EPHB1: variants seen among roughly 807,000 people sequenced by gnomAD.
The protein encoded by EPHB1 is EPH receptor B1, also known as ephrin type-B receptor 1.
EPHB1 carries 30 observed loss-of-function variants against 94.4 expected under a neutral mutation model. That is an observed-to-expected ratio of 0.32 (90% CI 0.24 to 0.43). The LOEUF is 0.43. Among genes scored for constraint, EPHB1 ranks in the 20% least tolerant of loss-of-function variants. The pLI is 1.00. For missense variants in EPHB1, 1,055 were observed against 1,308.3 expected (o/e 0.81, Z 2.99); for synonymous variants, 522 against 489.1 (o/e 1.07, Z -0.89).
Position 134,879,538 on chromosome 3 carries a change from A to G in EPHB1, c.59-46278A>G, listed in dbSNP as rs542285609. On this transcript the variant is annotated intron_variant, in intron 1 of 15. Coordinates refer to ENST00000398015, the MANE Select transcript of EPHB1 (RefSeq NM_004441.5). ...GTAGTGGGGTGCAACTGTGGTCCCA[A>G]CTACTCAGGAGGCTGAGGTGGGAGG... 3.9e-5 allele frequency among the ~76,000 whole-genome samples: 6 copies of G among 152,234 alleles called. 1 individual carries two copies. Among genetic ancestry groups the G allele is most frequent in the African/African-American group, 1.2e-4 (5 of 41,550 alleles).
intron 3 of EPHB1, among the ~76,000 whole-genome samples, chr3:135,036,739 T>C (rs1181676465): frequency 6.6e-6 from 1 of 152,208 alleles, no homozygotes; most frequent in African/African-American, 2.4e-5. Flanking sequence ...CTAGAATATC[T>C]AGCAGCTAGG....
intron 1 of EPHB1, among the ~76,000 whole-genome samples, chr3:134,880,056 T>G (rs977192559): frequency 6.6e-6 from 1 of 152,214 alleles, no homozygotes; most frequent in Non-Finnish European, 1.5e-5. Flanking sequence ...TGCTGCACTT[T>G]CCTCTTCTTT....
At chr3:134,895,916 C>A (rs1438502493) in intron 1 of EPHB1, among the ~76,000 whole-genome samples, 1 of 152,150 alleles carries the variant, frequency 6.6e-6, no homozygotes, top group African/African-American at 2.4e-5. Flanking sequence ...AGCAAAATGT[C>A]CCAATTTCTG....
At chr3:135,211,148 G>A (rs1943023355) in intron 12 of EPHB1, among the ~76,000 whole-genome samples, 1 of 152,036 alleles carries the variant, frequency 6.6e-6, no homozygotes, top group African/African-American at 2.4e-5. Context: ...AGTCTACTTT[G>A]AGTTCATATT....
chr3:135,162,986 A>G (rs956121798), intron 7 of EPHB1, among the ~76,000 whole-genome samples: 8 of 152,136 alleles, frequency 5.3e-5, no homozygotes, highest in African/African-American at 1.9e-4. Context: ...TTATTCACTT[A>G]TGAGCTGTTT....
intron 3 of EPHB1, among the ~76,000 whole-genome samples, chr3:135,084,201 T>C (rs1171363590): frequency 2.6e-5 from 4 of 152,176 alleles, no homozygotes; most frequent in Non-Finnish European, 4.4e-5. Context: ...ATCTTCATTA[T>C]GGTTGGTATC....
intron 2 of EPHB1, among the ~76,000 whole-genome samples, chr3:134,946,577 C>G (rs1203624779): frequency 6.6e-6 from 1 of 151,992 alleles, no homozygotes; most frequent in African/African-American, 2.4e-5. Flanking sequence ...GATGTTTGTC[C>G]CCTCCCAATC....
intron 3 of EPHB1, among the ~76,000 whole-genome samples, chr3:134,970,773 C>G (rs899509633): frequency 6.6e-6 from 1 of 152,178 alleles, no homozygotes; most frequent in Non-Finnish European, 1.5e-5. Flanking sequence ...GCGAGCTGGA[C>G]TCTGTCTCAC....
At chr3:135,041,793 T>G (rs1373297969) in intron 3 of EPHB1, among the ~76,000 whole-genome samples, 6 of 152,178 alleles carry the variant, frequency 3.9e-5, no homozygotes, top group African/African-American at 1.4e-4. Flanking sequence ...CTGGGAAGTT[T>G]AAGATTGAGG....
chr3:134,869,569 G>A (rs1257866797), intron 1 of EPHB1, among the ~76,000 whole-genome samples: 5 of 152,188 alleles, frequency 3.3e-5, no homozygotes, highest in South Asian at 2.1e-4. Flanking sequence ...GTGATTGGAG[G>A]CCATTCAGCT....
At chr3:134,802,165 G>A (rs2035946666) in intron 1 of EPHB1, among the ~76,000 whole-genome samples, 1 of 151,538 alleles carries the variant, frequency 6.6e-6, no homozygotes, top group African/African-American at 2.4e-5. Context: ...GGCCGGGCGC[G>A]GTGGCTCATG....
chr3:135,015,246 G>T lies in EPHB1; in HGVS notation c.805+63194G>T, dbSNP rs577385645. On this transcript the variant is annotated intron_variant, in intron 3 of 15. Coordinates refer to ENST00000398015, the MANE Select transcript of EPHB1 (RefSeq NM_004441.5). ...GTGCTGTCCAGTTGTCCAGTGCCTGGTTTTTTTTTTTTGAGATGGAGTTTT... is the reference window on the plus strand; with the variant it reads ...GTGCTGTCCAGTTGTCCAGTGCCTGTTTTTTTTTTTTTGAGATGGAGTTTT... 5.5e-5 allele frequency among the ~76,000 whole-genome samples: 8 copies of T among 146,084 alleles called. No individual in the cohort carries two copies. The East Asian group carries it at 1.4e-3, about 25-fold the overall frequency.
chr3:134,938,259 T>A (rs2039047416), intron 2 of EPHB1, among the ~76,000 whole-genome samples: 1 of 152,168 alleles, frequency 6.6e-6, no homozygotes, highest in Non-Finnish European at 1.5e-5. Flanking sequence ...GCAATGCTGC[T>A]GCCTGGTGGA....
At chr3:135,036,848 G>C (rs1936662710) in intron 3 of EPHB1, among the ~76,000 whole-genome samples, 1 of 152,168 alleles carries the variant, frequency 6.6e-6, no homozygotes, top group Non-Finnish European at 1.5e-5. Flanking sequence ...CTGGGTTTCA[G>C]GGCTGCAGAG....
intron 12 of EPHB1, among the ~76,000 whole-genome samples, chr3:135,206,747 G>C (rs1339241633): frequency 6.6e-6 from 1 of 152,180 alleles, no homozygotes; most frequent in Non-Finnish European, 1.5e-5. Context: ...TACTTGGGAG[G>C]CTAAGGCAGG....
chr3:135,140,276 C>G (rs1370868889), intron 5 of EPHB1, among the ~76,000 whole-genome samples: 2 of 152,126 alleles, frequency 1.3e-5, no homozygotes, highest in Non-Finnish European at 2.9e-5. Flanking sequence ...GAGGAGGGTG[C>G]AGGTGATCCA....
At chr3:134,976,158 C>T (rs973028933) in intron 3 of EPHB1, among the ~76,000 whole-genome samples, 3 of 152,180 alleles carry the variant, frequency 2.0e-5, no homozygotes, top group African/African-American at 4.8e-5. Flanking sequence ...CCAGGTTCTG[C>T]AGCCATTAAC....
intron 3 of EPHB1, chr3:135,067,473 G>A (rs146761640): frequency 6.6e-6 from 1 of 152,226 alleles, no homozygotes; most frequent in African/African-American, 2.4e-5. Flanking sequence ...AGGGAAGTGG[G>A]GGAGAGCTGG....
chr3:135,091,587 C>T (rs1406537389), intron 3 of EPHB1, among the ~76,000 whole-genome samples: 1 of 152,128 alleles, frequency 6.6e-6, no homozygotes, highest in East Asian at 1.9e-4. Flanking sequence ...TTTTCCAGCC[C>T]TGTCTGTCTG....
Sources: gnomAD v4.1 joint callset for allele counts (sites outside exome capture counted in the v4.1 genomes callset) on GRCh38, gnomAD v4.1.1 for gene constraint, MANE v1.5 for transcripts, NCBI Gene and HGNC (gene_info 2026-07-23, HGNC 2026-07-21) for gene names.